CFAP47: variants seen among roughly 807,000 people sequenced by gnomAD.
The protein encoded by CFAP47 is cilia and flagella associated protein 47.
Under a neutral mutation model 148.1 loss-of-function variants are expected in CFAP47, and 29 were observed. That is an observed-to-expected ratio of 0.20 (90% CI 0.15 to 0.27). CFAP47 has a LOEUF of 0.27. Ranked by LOEUF, CFAP47 falls within the 10% of genes least tolerant of loss-of-function variation. CFAP47 has a pLI of 1.00. For missense variants in CFAP47, 1,872 were observed against 1,697.5 expected (o/e 1.10, Z -1.81); for synonymous variants, 664 against 577.3 (o/e 1.15, Z -2.15).
At chrX:36,244,541 G>A (rs782316105) in intron 48 of CFAP47, among the ~76,000 whole-genome samples, 10 of 111,347 alleles carry the variant, frequency 9.0e-5, no homozygotes, top group African/African-American at 2.9e-4. Flanking sequence ...AATTGTAAAT[G>A]ATGAAGACAT....
At chrX:36,027,647 G>A (rs1262461181) in intron 22 of CFAP47, among the ~76,000 whole-genome samples, 1 of 111,019 alleles carries the variant, frequency 9.0e-6, no homozygotes, top group Non-Finnish European at 1.9e-5. Context: ...CTGATGTCAT[G>A]ATTTCTTTCT....
chrX:36,218,112 TTAAAAA>T (rs1569291102), intron 45 of CFAP47, among the ~76,000 whole-genome samples: 2 of 111,990 alleles, frequency 1.8e-5, no homozygotes, highest in Admixed American at 1.9e-4. Context: ...TCTGCAAAAA[TTAAAAA>T]TAAACTCTGT....
intron 57 of CFAP47, among the ~76,000 whole-genome samples, chrX:36,345,843 T>C (rs1193066965): frequency 8.9e-6 from 1 of 111,815 alleles, no homozygotes; most frequent in African/African-American, 3.2e-5. Flanking sequence ...ACAATGTTAC[T>C]AGACCTTAGA....
At chrX:35,952,373 A>G (rs1936180164) in intron 6 of CFAP47, among the ~76,000 whole-genome samples, 1 of 112,027 alleles carries the variant, frequency 8.9e-6, no homozygotes, top group African/African-American at 3.2e-5. Flanking sequence ...TATCCTAAGT[A>G]TTAAACCTAT....
At chrX:36,145,040 T>C (rs1939209997) in intron 35 of CFAP47, 179 bp from the exon 36 acceptor site, 1 of 396,563 alleles carries the variant, frequency 2.5e-6, no homozygotes, top group African/African-American at 2.5e-5. Context: ...GTTCAGCCAA[T>C]TCTTCCTAAT....
intron 33 of CFAP47, among the ~76,000 whole-genome samples, chrX:36,123,113 A>G (rs1180764833): frequency 1.8e-5 from 2 of 112,235 alleles, no homozygotes; most frequent in Non-Finnish European, 3.8e-5. Flanking sequence ...ATTATCAGGC[A>G]GAGACTCTTG....
intron 24 of CFAP47, among the ~76,000 whole-genome samples, chrX:36,038,420 C>A (rs767205619): frequency 5.3e-5 from 6 of 112,489 alleles, no homozygotes; most frequent in African/African-American, 1.3e-4. Context: ...TTGAGCCCTG[C>A]TCTCTAACAC....
At chrX:36,032,392 A>G (rs1937290147) in intron 23 of CFAP47, among the ~76,000 whole-genome samples, 1 of 110,542 alleles carries the variant, frequency 9.0e-6, no homozygotes, top group Non-Finnish European at 1.9e-5. Context: ...TATGGTACAG[A>G]GAAGACGTAA....
chrX:36,286,298 C>G (rs1430938439), intron 51 of CFAP47, among the ~76,000 whole-genome samples: 1 of 109,707 alleles, frequency 9.1e-6, no homozygotes, highest in Non-Finnish European at 1.9e-5. Flanking sequence ...ATTTAGTTTC[C>G]TTATTGTTAG....
intron 50 of CFAP47, among the ~76,000 whole-genome samples, chrX:36,283,720 C>T (rs782701781): frequency 2.0e-3 from 224 of 111,897 alleles, no homozygotes; most frequent in African/African-American, 7.1e-3. Context: ...TTCTTAAAAT[C>T]TCTGTCTTTC....
rs747021684 is a variant in CFAP47 at position 36,164,015 on chromosome X, C to T, written c.6026+3246C>T. Among the ~76,000 whole-genome samples the T allele has an allele frequency of 7.1e-5, 8 of 112,085 alleles. No individual in the cohort carries two copies. The South Asian group carries it at 2.9e-3, about 41-fold the overall frequency. On this transcript the variant is annotated intron_variant, in intron 39 of 63. Coordinates refer to ENST00000378653, the MANE Select transcript of CFAP47 (RefSeq NM_001304548.2). ...GTTTGTTAATTTTCAACTTTTCTGTCACTAATTTTATTCCATTCAAGTTAG... is the reference window on the plus strand; with the variant it reads ...GTTTGTTAATTTTCAACTTTTCTGTTACTAATTTTATTCCATTCAAGTTAG...
intron 18 of CFAP47, among the ~76,000 whole-genome samples, chrX:35,995,284 T>C (rs184671264): frequency 9.0e-6 from 1 of 111,588 alleles, no homozygotes; most frequent in African/African-American, 3.3e-5. Context: ...AAAATGTACT[T>C]ATATGACCCG....
At chrX:36,088,512 T>TTC (rs753374823) in intron 30 of CFAP47, among the ~76,000 whole-genome samples, 402 of 108,558 alleles carry the variant, frequency 3.7e-3, no homozygotes, top group Non-Finnish European at 5.3e-3. Flanking sequence ...CTCTCTTCTC[T>TTC]TCTCTCTCTC....
chrX:36,365,836 T>G (rs1556020170), intron 61 of CFAP47: 2 of 111,836 alleles, frequency 1.8e-5, no homozygotes, highest in Non-Finnish European at 3.8e-5. Context: ...TTTAAATGAA[T>G]GCATAGTATT....
chrX:36,320,105 G>T (rs959991452), intron 57 of CFAP47, among the ~76,000 whole-genome samples: 22 of 111,134 alleles, frequency 2.0e-4, no homozygotes, highest in South Asian at 1.5e-3. Context: ...GGCTTACAGG[G>T]GTGAGCCACC....
At chrX:36,360,196 G>A (rs1052762175) in intron 60 of CFAP47, among the ~76,000 whole-genome samples, 8 of 111,950 alleles carry the variant, frequency 7.1e-5, no homozygotes, top group Non-Finnish European at 1.5e-4. Context: ...TTCTCCTGCT[G>A]TTTTCAAAGT....
At chrX:36,288,195 T>C (rs1156709747) in intron 51 of CFAP47, among the ~76,000 whole-genome samples, 3 of 112,175 alleles carry the variant, frequency 2.7e-5, no homozygotes, top group Non-Finnish European at 5.6e-5. Flanking sequence ...TTGAAACACA[T>C]ATATTTGGTT....
At chrX:36,321,750 A>G (rs781833168) in intron 57 of CFAP47, among the ~76,000 whole-genome samples, 15 of 112,008 alleles carry the variant, frequency 1.3e-4, no homozygotes, top group African/African-American at 4.9e-4. Context: ...ATTTTTTATA[A>G]TAGCAAAAAA....
At chrX:36,356,114 C>A (rs1447194475) in intron 60 of CFAP47, among the ~76,000 whole-genome samples, 9 of 111,863 alleles carry the variant, frequency 8.0e-5, no homozygotes, top group Non-Finnish European at 1.5e-4. Context: ...GGAGAGCAAT[C>A]TCTCTCAAAA....
Sources: gnomAD v4.1 joint callset for allele counts (sites outside exome capture counted in the v4.1 genomes callset) on GRCh38, gnomAD v4.1.1 for gene constraint, MANE v1.5 for transcripts, NCBI Gene and HGNC (gene_info 2026-07-23, HGNC 2026-07-21) for gene names.